The following CACNB4 variants were observed in gnomAD, a reference collection of about 807,000 sequenced individuals.
CACNB4 encodes calcium voltage-gated channel auxiliary subunit beta 4.
A neutral mutation model predicts 71.2 loss-of-function variants in CACNB4; 32 were observed. The ratio of observed to expected loss-of-function variants is 0.45; its 90% CI spans 0.34 to 0.60. The LOEUF (loss-of-function observed/expected upper bound fraction) is 0.60, where lower values mean the gene tolerates loss of function less well. Among genes scored for constraint, CACNB4 ranks in the 20% least tolerant of loss-of-function variants. The pLI, the probability that CACNB4 is intolerant of heterozygous loss-of-function variation, is 0.01. For synonymous variants in CACNB4, 231 were observed against 236.9 expected (o/e 0.97, Z 0.23); for missense variants, 464 against 647.9 (o/e 0.72, Z 3.08).
chr2:151,916,233 T>C (rs532225349), intron 2 of CACNB4, among the ~76,000 whole-genome samples: 2 of 152,368 alleles, frequency 1.3e-5, no homozygotes, highest in East Asian at 3.9e-4. Flanking sequence ...TTAAGGTTTT[T>C]CAGGCCTCTT....
intron 2 of CACNB4, among the ~76,000 whole-genome samples, chr2:152,056,278 A>G (rs564636581): frequency 3.0e-4 from 46 of 151,526 alleles, no homozygotes; most frequent in African/African-American, 1.0e-3. Flanking sequence ...GGAGAATGGC[A>G]TGAACCCAGG....
chr2:151,915,488 G>T (rs889095010), intron 2 of CACNB4, among the ~76,000 whole-genome samples: 4 of 152,234 alleles, frequency 2.6e-5, no homozygotes, highest in Non-Finnish European at 4.4e-5. Flanking sequence ...AGTGGGTGCT[G>T]GCTGCCCCTC....
In CACNB4 at chr2:151,853,682, C is replaced by G. The variant is rs551725192; in HGVS notation, c.1021-139G>C. The G allele has an allele frequency of 1.4e-5, 8 of 568,490 alleles. No homozygotes were observed. The East Asian group carries it at 2.7e-4, about 19-fold the overall frequency. 35.2% of individuals were successfully genotyped at this position (568,490 alleles called of 1,614,324 possible). A position where few individuals can be genotyped will look rare whatever the true frequency, so the allele number is the denominator to read the frequency against. On this transcript the variant is annotated intron_variant, in intron 11 of 13. Coordinates refer to ENST00000539935, the MANE Select transcript of CACNB4 (RefSeq NM_000726.5). ...CAGTGTGAGAAATCATATATTTAAA[C>G]CTGTAATGATGTCATCTGCTTACAT...
At position 151,840,755 on chromosome 2, in the gene CACNB4, CAG is replaced by C. The variant is rs202213040; in HGVS notation, c.1302+1146_1302+1147del. 5.4e-3 allele frequency among the ~76,000 whole-genome samples: 827 copies of C among 152,276 alleles called. 6 individuals carry two copies. The highest frequency in any genetic ancestry group is 0.019 in the African/African-American group (776 of 41,554). On this transcript the variant is annotated intron_variant, in intron 13 of 13. Coordinates refer to ENST00000539935, the MANE Select transcript of CACNB4 (RefSeq NM_000726.5). The stretch of plus-strand genomic sequence containing the variant: ...GCATTTCAGAGAGTGCCATTTATCT[CAG>C]AGTTAACTCTGTATGATCGACAATT...
At chr2:151,936,187 A>G in intron 2 of CACNB4, 1 of 152,262 alleles carries the variant, frequency 6.6e-6, no homozygotes, top group East Asian at 1.9e-4. Flanking sequence ...TGCATAACGC[A>G]GAGTGCCAGA....
chr2:152,078,724 A>C (rs1687176859), intron 2 of CACNB4, among the ~76,000 whole-genome samples: 1 of 152,236 alleles, frequency 6.6e-6, no homozygotes, highest in Non-Finnish European at 1.5e-5. Context: ...CTGGATCCAA[A>C]GATGGAATCT....
chr2:151,839,359 G>T lies in CACNB4; in HGVS notation c.1323C>A (p.Ser441Arg). ...SGLQSQRMRH[S>R]NHSTENSPIE... ...TTGGAGAGTTCTCTGTGGAGTGGTT[G>T]CTGTGCCTCATTCGCTGACTCTAAA... The change falls in exon 14 of 14, where the codon AGC becomes AGA. Residue 441 changes from serine (S) to arginine (R), a missense_variant. Around this residue, in one of 3 missense-constraint regions of CACNB4, gnomAD observed 115 missense variants for 128.8 expected, o/e 0.89. Transcript: ENST00000539935. 6.2e-7 allele frequency: 1 copy of T among 1,609,744 alleles called. No homozygotes were observed. Among genetic ancestry groups the T allele is most frequent in the Non-Finnish European group, 8.5e-7 (1 of 1,176,362 alleles).
At chr2:151,926,908 T>C (rs1230049008) in intron 2 of CACNB4, among the ~76,000 whole-genome samples, 2 of 152,180 alleles carry the variant, frequency 1.3e-5, no homozygotes, top group Non-Finnish European at 1.5e-5. Flanking sequence ...TGCCTTTGGG[T>C]GTCTAACTCT....
intron 2 of CACNB4, among the ~76,000 whole-genome samples, chr2:152,017,689 C>T (rs1256452044): frequency 6.6e-6 from 1 of 150,810 alleles, no homozygotes; most frequent in African/African-American, 2.5e-5. Flanking sequence ...GCCTGAGTGA[C>T]AGAGTGAGAC....
At chr2:151,999,363 C>T (rs1682265251) in intron 2 of CACNB4, among the ~76,000 whole-genome samples, 1 of 129,986 alleles carries the variant, frequency 7.7e-6, no homozygotes, top group South Asian at 2.5e-4. Flanking sequence ...TTCTGTCTGC[C>T]CGCCCTGTTA....
intron 2 of CACNB4, among the ~76,000 whole-genome samples, chr2:152,050,893 G>A (rs867278895): frequency 6.6e-6 from 1 of 151,996 alleles, no homozygotes; most frequent in African/African-American, 2.4e-5. Context: ...TTCTGCCTCA[G>A]GTCCCCAGGT....
chr2:151,901,105 C>T (rs1258830667), intron 2 of CACNB4, among the ~76,000 whole-genome samples: 2 of 150,892 alleles, frequency 1.3e-5, no homozygotes, highest in Admixed American at 6.6e-5. Flanking sequence ...GCAATCCTCT[C>T]ACTTCAGCCT....
chr2:151,883,017 A>G (rs1354336274), intron 3 of CACNB4: 5 of 505,296 alleles, frequency 9.9e-6, no homozygotes, highest in Non-Finnish European at 1.8e-5. Context: ...TTGGAAGACG[A>G]CCAATAATTC....
intron 13 of CACNB4, among the ~76,000 whole-genome samples, chr2:151,840,870 T>C (rs1349552473): frequency 1.3e-5 from 2 of 152,234 alleles, no homozygotes; most frequent in African/African-American, 2.4e-5. Context: ...TGCTGCGGGT[T>C]TGGCCACATT....
chr2:151,981,651 C>A (rs141348544), intron 2 of CACNB4, among the ~76,000 whole-genome samples: 1 of 152,168 alleles, frequency 6.6e-6, no homozygotes, highest in East Asian at 1.9e-4. Context: ...TGTGCCAGAG[C>A]ATGTATCCCT....
intron 2 of CACNB4, among the ~76,000 whole-genome samples, chr2:152,034,423 A>C (rs1684449629): frequency 6.6e-6 from 1 of 152,188 alleles, no homozygotes; most frequent in Non-Finnish European, 1.5e-5. Context: ...GGAAGGGACC[A>C]GGCCACACAG....
At position 151,876,704 on chromosome 2, in the gene CACNB4, T is replaced by C. The variant is rs541867984; in HGVS notation, c.391-148A>G. On this transcript the variant is annotated intron_variant, in intron 4 of 13. Transcript: ENST00000539935. Reference sequence around the variant, plus strand: ...AAACTATATTTTATATGTATATGTGTGTATACTATATTTTATATACTATAC... The same window carrying C: ...AAACTATATTTTATATGTATATGTGCGTATACTATATTTTATATACTATAC... The C allele has an allele frequency of 1.2e-5, 4 of 344,654 alleles. No individual in the cohort carries two copies. The South Asian group carries it at 1.8e-4, about 15-fold the overall frequency. 21.3% of individuals were successfully genotyped at this position (344,654 alleles called of 1,614,324 possible).
intron 2 of CACNB4, among the ~76,000 whole-genome samples, chr2:151,976,560 A>G (rs1355572408): frequency 1.3e-5 from 2 of 151,622 alleles, no homozygotes; most frequent in East Asian, 3.9e-4. Context: ...CAGGTTGGGG[A>G]GTCTTCCCCT....
chr2:151,863,216 C>T (rs545763585), intron 9 of CACNB4, among the ~76,000 whole-genome samples: 74 of 152,190 alleles, frequency 4.9e-4, no homozygotes, highest in African/African-American at 1.6e-3. Context: ...CAAGCATGTG[C>T]CACCACACAT....
Sources: allele counts gnomAD v4.1 joint callset (sites outside exome capture counted in the v4.1 genomes callset), GRCh38; gene constraint gnomAD v4.1.1; regional missense constraint gnomAD v4.1.1; transcripts MANE v1.5; gene names NCBI Gene and HGNC (gene_info 2026-07-23, HGNC 2026-07-21).